The following DNAH14 variants were observed in gnomAD, a reference collection of about 807,000 sequenced individuals.
DNAH14 encodes the protein dynein axonemal heavy chain 14.
DNAH14 carries 478 observed loss-of-function variants against 520.9 expected under a neutral mutation model. The observed-to-expected ratio is 0.92, with a 90% CI of 0.85 to 0.99. The LOEUF is 0.99. DNAH14 is among the 50% of genes least tolerant of loss of function. The pLI, the probability that DNAH14 is intolerant of heterozygous loss-of-function variation, is 0.00. For synonymous variants in DNAH14, 1,581 were observed against 1,757.2 expected, an observed-to-expected ratio of 0.90 and a Z score of 2.51; for missense variants, 4,831 against 5,234.5, an observed-to-expected ratio of 0.92 and a Z score of 2.38.
intron 17 of DNAH14, among the ~76,000 whole-genome samples, chr1:225,073,932 C>T (rs532899719): frequency 1.6e-4 from 24 of 151,200 alleles, no homozygotes; most frequent in South Asian, 1.0e-3. Flanking sequence ...CCACCTGCCT[C>T]GGCCTCCCAA....
chr1:225,367,890 T>C lies in DNAH14; in HGVS notation c.12176T>C (p.Ile4059Thr), dbSNP rs1443592841. The C allele has an allele frequency of 1.9e-6, 3 of 1,551,654 alleles. No homozygotes were observed. The South Asian group carries it at 3.6e-5, about 18-fold the overall frequency. The change falls in exon 77 of 86, where the codon ATA becomes ACA. Residue 4059 changes from isoleucine to threonine, a missense_variant. Transcript: ENST00000682510. ...GGGAGTGGAGAGGTAACAGAAGAGA[T>C]ATTTGAAAATCCTGACTGTGGACAA... ...CTGSGEVTEE[I>T]FENPDCGQWW...
Position 225,270,808 on chromosome 1 carries a change from A to C in DNAH14, c.7613A>C (p.His2538Pro). 2 of 1,551,332 alleles carry C rather than the reference A, an allele frequency of 1.3e-6. No individual in the cohort carries two copies. Among genetic ancestry groups the C allele is most frequent in the African/African-American group, 2.7e-5 (2 of 73,134 alleles). The stretch of plus-strand genomic sequence containing the variant: ...GATATCAGCCCACGTCTTCTCAAAC[A>C]CTTTTCCATGCTGGTATTACCTCAT... ...VNDISPRLLK[H>P]FSMLVLPHPS... Residue 2538 changes from histidine to proline, a missense_variant, in exon 50 of 86, where the codon CAC becomes CCC. Coordinates refer to ENST00000682510, the MANE Select transcript of DNAH14 (RefSeq NM_001367479.1).
chr1:225,089,048 A>G (rs1031528614), intron 21 of DNAH14, among the ~76,000 whole-genome samples: 2 of 152,110 alleles, frequency 1.3e-5, no homozygotes, highest in African/African-American at 4.8e-5. Context: ...AAATAATACC[A>G]GTTATGCACC....
intron 36 of DNAH14, among the ~76,000 whole-genome samples, chr1:225,180,157 A>G (rs2083805034): frequency 2.0e-5 from 3 of 152,060 alleles, no homozygotes; most frequent in African/African-American, 7.2e-5. Context: ...CATTCTCTAC[A>G]TTTGTAAAGT....
intron 8 of DNAH14, among the ~76,000 whole-genome samples, chr1:225,000,775 T>C (rs535693928): frequency 1.6e-4 from 23 of 147,028 alleles, no homozygotes; most frequent in African/African-American, 6.2e-4. Flanking sequence ...CTTCATTCTG[T>C]CATTGAGTTC....
intron 36 of DNAH14, among the ~76,000 whole-genome samples, chr1:225,171,489 C>A (rs911547951): frequency 4.6e-5 from 7 of 152,184 alleles, no homozygotes; most frequent in African/African-American, 1.7e-4. Flanking sequence ...ATACTATAAA[C>A]ACCTCTATGC....
At chr1:225,289,644 T>C (rs2093821098) in intron 54 of DNAH14, among the ~76,000 whole-genome samples, 2 of 152,074 alleles carry the variant, frequency 1.3e-5, no homozygotes, top group Non-Finnish European at 2.9e-5. Context: ...TCCAGTGAAA[T>C]TTTCTCATAT....
intron 23 of DNAH14, among the ~76,000 whole-genome samples, chr1:225,106,823 T>G (rs974049922): frequency 3.3e-5 from 5 of 152,196 alleles, no homozygotes; most frequent in Non-Finnish European, 7.3e-5. Context: ...CCATTGGTTC[T>G]ACCTTCCTCC....
At chr1:225,074,192 G>A (rs919479152) in intron 17 of DNAH14, among the ~76,000 whole-genome samples, 2 of 151,126 alleles carry the variant, frequency 1.3e-5, no homozygotes, top group Admixed American at 6.6e-5. Flanking sequence ...GTAGAGACGG[G>A]GTTTCACCGT....
intron 1 of DNAH14, among the ~76,000 whole-genome samples, chr1:224,941,317 C>T (rs1418507030): frequency 6.6e-6 from 1 of 152,074 alleles, no homozygotes; most frequent in Non-Finnish European, 1.5e-5. Context: ...TAAATGTCTT[C>T]TTTTGAGAAG....
intron 42 of DNAH14, among the ~76,000 whole-genome samples, chr1:225,238,543 A>G (rs1019496519): frequency 3.3e-5 from 5 of 152,114 alleles, no homozygotes; most frequent in Non-Finnish European, 7.4e-5. Flanking sequence ...GAACGCTCCT[A>G]TAGGAGGTGT....
chr1:225,335,473 G>GTA (rs1278181440), intron 66 of DNAH14, among the ~76,000 whole-genome samples: 1,113 of 93,552 alleles, frequency 0.012, 220 homozygotes, highest in African/African-American at 0.036. Flanking sequence ...GTACATGTGT[G>GTA]TGTATGCACA....
rs1296683799 is a variant in DNAH14 at position 224,940,986 on chromosome 1, C to T, written c.-34+11151C>T. Among the ~76,000 whole-genome samples the T allele has an allele frequency of 3.3e-5, 5 of 152,164 alleles. No homozygotes were observed. The East Asian group carries it at 9.6e-4, about 29-fold the overall frequency. On this transcript the variant is annotated intron_variant, in intron 1 of 85. Coordinates refer to ENST00000682510, the MANE Select transcript of DNAH14 (RefSeq NM_001367479.1). ...TAGTGCCGCAATTAACGTACCTGTGCATGTGTCTTTATAGCAGCATGTTTT... is the reference window on the plus strand; with the variant it reads ...TAGTGCCGCAATTAACGTACCTGTGTATGTGTCTTTATAGCAGCATGTTTT...
intron 49 of DNAH14, among the ~76,000 whole-genome samples, chr1:225,268,700 C>A (rs1450868248): frequency 6.6e-6 from 1 of 152,050 alleles, no homozygotes; most frequent in Non-Finnish European, 1.5e-5. Context: ...AAACAGAGAG[C>A]CAAATCATGA....
chr1:225,048,056 C>G (rs1213812399), intron 15 of DNAH14, among the ~76,000 whole-genome samples: 2 of 152,186 alleles, frequency 1.3e-5, no homozygotes, highest in Non-Finnish European at 2.9e-5. Context: ...TTGTGCAGCC[C>G]TTTTGTAGTC....
chr1:225,376,398 G>A (rs184510606), intron 78 of DNAH14, among the ~76,000 whole-genome samples: 1 of 152,210 alleles, frequency 6.6e-6, no homozygotes, highest in Non-Finnish European at 1.5e-5. Flanking sequence ...GTGCACTCCA[G>A]CCTGGGCGAC....
At chr1:225,324,186 C>A in intron 62 of DNAH14, 36 bp from the exon 63 acceptor site, 1 of 1,547,582 alleles carries the variant, frequency 6.5e-7, no homozygotes, top group Non-Finnish European at 8.7e-7. Context: ...AATAATATTT[C>A]TTTCTCATGT....
chr1:225,060,742 C>G (rs1404307045), intron 17 of DNAH14, among the ~76,000 whole-genome samples: 1 of 45,904 alleles, frequency 2.2e-5, no homozygotes, highest in African/African-American at 3.3e-5. Context: ...AGTCAGGACC[C>G]TCAGCTGCAG....
Position 225,346,286 on chromosome 1 carries a change from G to C in DNAH14, c.11003G>C (p.Ser3668Thr), listed in dbSNP as rs754740260. The change falls in exon 70 of 86, where the codon AGT becomes ACT. Residue 3668 changes from serine to threonine, a missense_variant. Transcript: ENST00000682510. ...CCAAAAGAAGTTCATGAGTTTATAA[G>C]TATTTCAAAAGAACCCAACCTGGAA... The part of the protein sequence containing the change: ...VSPKEVHEFI[S>T]ISKEPNLENE... 6.5e-7 allele frequency: 1 copy of C among 1,549,424 alleles called. No homozygotes were observed. The highest frequency in any genetic ancestry group is 1.2e-5 in the South Asian group (1 of 83,682).
Sources: gnomAD v4.1 joint callset for allele counts (sites outside exome capture counted in the v4.1 genomes callset) on GRCh38, gnomAD v4.1.1 for gene constraint, MANE v1.5 for transcripts, NCBI Gene and HGNC (gene_info 2026-07-23, HGNC 2026-07-21) for gene names.